Variants in ECT2L observed in about 807,000 individuals in gnomAD.
ECT2L encodes the protein epithelial cell transforming 2 like.
A neutral mutation model predicts 122.8 loss-of-function variants in ECT2L; 126 were observed. That is an observed-to-expected ratio of 1.03 (90% CI 0.89 to 1.19). The LOEUF is 1.19. Among genes scored for constraint, ECT2L ranks in the 50% most tolerant of loss-of-function variants. ECT2L has a pLI of 0.00. For missense variants in ECT2L, 1,012 were observed against 1,064.1 expected (o/e 0.95, Z 0.68); for synonymous variants, 385 against 381.8 (o/e 1.01, Z -0.10).
At chr6:138,885,909 C>T (rs1778806446) in intron 18 of ECT2L, 79 bp downstream of exon 18, 4 of 1,395,388 alleles carry the variant, frequency 2.9e-6, no homozygotes, top group Non-Finnish European at 3.9e-6. Flanking sequence ...GATCCTGAGA[C>T]ACCTTATCTT....
chr6:138,874,068 C>T (rs964149067), intron 13 of ECT2L, among the ~76,000 whole-genome samples: 2 of 152,174 alleles, frequency 1.3e-5, no homozygotes, highest in Admixed American at 6.5e-5. Context: ...ATAGTTGTTC[C>T]TGAACTCTAC....
chr6:138,870,303 C>T (rs1351894344), intron 13 of ECT2L: 2 of 152,626 alleles, frequency 1.3e-5, no homozygotes, highest in Non-Finnish European at 2.9e-5. Flanking sequence ...AGACAACATT[C>T]AGTTTATTCA....
chr6:138,843,348 T>A, intron 6 of ECT2L, 117 bp downstream of exon 6: 1 of 1,068,710 alleles, frequency 9.4e-7, no homozygotes, highest in Non-Finnish European at 1.3e-6. Context: ...GTGGCAGTCT[T>A]AAGTATTTTC....
chr6:138,859,967 T>C lies in ECT2L; in HGVS notation c.1199-2660T>C, dbSNP rs934201892. Reference sequence around the variant, plus strand: ...GTAGCTGGGATTACAAGATTACAGATGCCCGCCACCATGCCCGGCTAATTT... The same window carrying C: ...GTAGCTGGGATTACAAGATTACAGACGCCCGCCACCATGCCCGGCTAATTT... On this transcript the variant is annotated intron_variant, in intron 10 of 21. Coordinates refer to ENST00000541398, the MANE Select transcript of ECT2L (RefSeq NM_001077706.3). 3.9e-5 allele frequency among the ~76,000 whole-genome samples: 6 copies of C among 152,118 alleles called. No individual in the cohort carries two copies. In the East Asian group the frequency reaches 1.2e-3, roughly 29 times the overall value.
At chr6:138,853,979 AG>A (rs757068628) in intron 9 of ECT2L, 46 bp from the exon 10 acceptor site, 13 of 1,579,180 alleles carry the variant, frequency 8.2e-6, no homozygotes, top group Non-Finnish European at 1.1e-5. Context: ...ATTTCTGTTC[AG>A]TATTATGTTA....
chr6:138,821,285 T>G (rs905831880), intron 4 of ECT2L, among the ~76,000 whole-genome samples: 15 of 152,214 alleles, frequency 9.9e-5, no homozygotes, highest in Admixed American at 8.5e-4. Context: ...AGGAAATAGT[T>G]TGTTCTCACA....
chr6:138,876,596 G>A, intron 14 of ECT2L, 38 bp downstream of exon 14: 1 of 1,362,748 alleles, frequency 7.3e-7, no homozygotes, highest in Non-Finnish European at 1.0e-6. Context: ...CATTGGTTTT[G>A]CTCCTGATAG....
At chr6:138,801,676 A>C (rs1479571379) in intron 1 of ECT2L, among the ~76,000 whole-genome samples, 1 of 152,118 alleles carries the variant, frequency 6.6e-6, no homozygotes, top group Non-Finnish European at 1.5e-5. Context: ...AATTGCTTGA[A>C]CCAGGGAGGT....
At chr6:138,895,683 G>A (rs1779185238) in intron 20 of ECT2L, among the ~76,000 whole-genome samples, 1 of 151,976 alleles carries the variant, frequency 6.6e-6, no homozygotes, top group Non-Finnish European at 1.5e-5. Context: ...CGATTCTCAT[G>A]CCTCAGCCTC....
rs947549834 is a variant in ECT2L at position 138,892,109 on chromosome 6, G to A, written c.2414+3078G>A. On this transcript the variant is annotated intron_variant, in intron 20 of 21. Transcript: ENST00000541398. ...ACTGTCCCTATTACTTGGATATTCT[G>A]TTCTTTCCCCTGGTGGTCCCTACCC... Among the ~76,000 whole-genome samples the A allele has an allele frequency of 4.6e-4, 70 of 152,146 alleles. 2 individuals are homozygous for A. The highest frequency in any genetic ancestry group is 1.6e-3 in the African/African-American group (66 of 41,520).
intron 4 of ECT2L, among the ~76,000 whole-genome samples, chr6:138,818,547 A>T (rs1426241214): frequency 1.3e-5 from 2 of 152,126 alleles, no homozygotes; most frequent in Non-Finnish European, 2.9e-5. Context: ...CTGTGTGGAG[A>T]TGGTAAAGAG....
chr6:138,873,373 C>T (rs1007129471), intron 13 of ECT2L, among the ~76,000 whole-genome samples: 1 of 152,048 alleles, frequency 6.6e-6, no homozygotes, highest in African/African-American at 2.4e-5. Context: ...GTCAGTGTTG[C>T]ATTAGGATAA....
chr6:138,868,947 A>G (rs184071827), intron 13 of ECT2L, among the ~76,000 whole-genome samples: 268 of 152,296 alleles, frequency 1.8e-3, no homozygotes, highest in Non-Finnish European at 2.9e-3. Context: ...CAGGCGGATC[A>G]TTTGAGATCA....
At chr6:138,823,206 T>C in intron 4 of ECT2L, 1 of 1,486,090 alleles carries the variant, frequency 6.7e-7, no homozygotes, top group Non-Finnish European at 9.1e-7. Context: ...GGGAAAACCA[T>C]GCTGGATCAT....
intron 20 of ECT2L, among the ~76,000 whole-genome samples, chr6:138,889,448 T>C (rs1778941582): frequency 6.6e-6 from 1 of 152,168 alleles, no homozygotes; most frequent in Non-Finnish European, 1.5e-5. Context: ...GCCTTCCAAG[T>C]AGCTGAGATT....
At chr6:138,902,269 C>T (rs976510022) in intron 21 of ECT2L, among the ~76,000 whole-genome samples, 7 of 152,122 alleles carry the variant, frequency 4.6e-5, no homozygotes, top group Non-Finnish European at 7.4e-5. Flanking sequence ...ATCATCTATC[C>T]GTTAGTCTTT....
intron 4 of ECT2L, among the ~76,000 whole-genome samples, chr6:138,820,097 C>G (rs73778411): frequency 1.3e-5 from 2 of 152,134 alleles, no homozygotes; most frequent in African/African-American, 4.8e-5. Flanking sequence ...CTGACAGAAA[C>G]CCTGATTTCC....
At chr6:138,809,250 G>T (rs202009415) in intron 1 of ECT2L, among the ~76,000 whole-genome samples, 21 of 152,226 alleles carry the variant, frequency 1.4e-4, no homozygotes, top group African/African-American at 5.1e-4. Flanking sequence ...TGTCATGAAC[G>T]GGTATTGAGG....
chr6:138,821,023 G>A (rs367887575), intron 4 of ECT2L, among the ~76,000 whole-genome samples: 1 of 152,226 alleles, frequency 6.6e-6, no homozygotes, highest in African/African-American at 2.4e-5. Flanking sequence ...GTGATCTGGT[G>A]TACAGCCAAG....
Sources: allele counts gnomAD v4.1 joint callset (sites outside exome capture counted in the v4.1 genomes callset), GRCh38; gene constraint gnomAD v4.1.1; transcripts MANE v1.5; gene names NCBI Gene and HGNC (gene_info 2026-07-23, HGNC 2026-07-21).